The following NCOA1 variants were observed in gnomAD, a reference collection of about 807,000 sequenced individuals.
NCOA1 encodes Hin-2 protein.
NCOA1 carries 35 observed loss-of-function variants against 150.9 expected under a neutral mutation model. The observed-to-expected ratio is 0.23, with a 90% confidence interval of 0.18 to 0.31. The LOEUF (loss-of-function observed/expected upper bound fraction) is 0.31, where lower values mean the gene tolerates loss of function less well. Among genes scored for constraint, NCOA1 ranks in the 10% least tolerant of loss-of-function variants. The pLI, the probability that NCOA1 is intolerant of heterozygous loss-of-function variation, is 1.00. For synonymous variants in NCOA1, 590 were observed against 630.0 expected (o/e 0.94, Z 0.95); for missense variants, 1,491 against 1,749.3 (o/e 0.85, Z 2.63).
chr2:24,625,170 ATAT>A (rs996266394), intron 3 of NCOA1, among the ~76,000 whole-genome samples: 1 of 152,104 alleles, frequency 6.6e-6, no homozygotes. Flanking sequence ...GTGTCATGAA[ATAT>A]TATGCTTCCT....
chr2:24,752,432 G>T (rs1301929335), intron 20 of NCOA1, among the ~76,000 whole-genome samples: 1 of 152,156 alleles, frequency 6.6e-6, no homozygotes, highest in African/African-American at 2.4e-5. Flanking sequence ...TTGCATAATG[G>T]AAAGAACTAA....
intron 1 of NCOA1, among the ~76,000 whole-genome samples, chr2:24,525,576 T>G (rs1158363515): frequency 2.0e-5 from 3 of 151,680 alleles, no homozygotes; most frequent in Non-Finnish European, 4.4e-5. Context: ...TGAGACAGTC[T>G]TGCTCTGTCA....
At chr2:24,723,736 C>T (rs1674471771) in intron 14 of NCOA1, among the ~76,000 whole-genome samples, 1 of 151,758 alleles carries the variant, frequency 6.6e-6, no homozygotes, top group South Asian at 2.1e-4. Flanking sequence ...GGGTTTTTAT[C>T]CTATTGATTT....
At chr2:24,680,102 C>T (rs1672096736) in intron 7 of NCOA1, among the ~76,000 whole-genome samples, 2 of 152,156 alleles carry the variant, frequency 1.3e-5, no homozygotes, top group South Asian at 4.1e-4. Context: ...GTGAATAATG[C>T]TGCAGTGAAC....
intron 18 of NCOA1, among the ~76,000 whole-genome samples, chr2:24,740,358 A>G (rs1463525886): frequency 6.6e-6 from 1 of 152,212 alleles, no homozygotes; most frequent in East Asian, 1.9e-4. Flanking sequence ...ACAAACCTAC[A>G]TGGTATAGCC....
chr2:24,743,560 A>G (rs914418437), intron 19 of NCOA1, among the ~76,000 whole-genome samples: 1 of 152,242 alleles, frequency 6.6e-6, no homozygotes, highest in Non-Finnish European at 1.5e-5. Context: ...TATTTTAATT[A>G]TATGGTTGCC....
intron 14 of NCOA1, among the ~76,000 whole-genome samples, chr2:24,722,927 G>A (rs1674423075): frequency 7.1e-6 from 1 of 140,138 alleles, no homozygotes; most frequent in Non-Finnish European, 1.5e-5. Flanking sequence ...GGAGGTGGAG[G>A]TTGCAGTGAG....
At chr2:24,618,416 A>G (rs1274516984) in intron 3 of NCOA1, among the ~76,000 whole-genome samples, 1 of 152,178 alleles carries the variant, frequency 6.6e-6, no homozygotes, top group East Asian at 1.9e-4. Context: ...AAAAACCATC[A>G]AGAACAGAGG....
intron 1 of NCOA1, among the ~76,000 whole-genome samples, chr2:24,514,364 A>G (rs1465709456): frequency 1.3e-5 from 2 of 151,764 alleles, no homozygotes; most frequent in African/African-American, 4.8e-5. Flanking sequence ...TCTGAGTCAC[A>G]TAAGCATTGG....
At chr2:24,571,949 G>A (rs1666760181) in intron 2 of NCOA1, among the ~76,000 whole-genome samples, 1 of 152,052 alleles carries the variant, frequency 6.6e-6, no homozygotes, top group Admixed American at 6.6e-5. Context: ...ATTACTTGCT[G>A]AATTTCTTTG....
intron 1 of NCOA1, among the ~76,000 whole-genome samples, chr2:24,523,924 CAAAAAAAAAAAAAAAAA>C (rs70947825): frequency 4.0e-5 from 2 of 49,522 alleles, no homozygotes; most frequent in Non-Finnish European, 6.5e-5. Context: ...GACTCTGTCT[CAAAAAAAAAAAAAAAAA>C]AAAAAAAAAA....
At chr2:24,670,301 A>T (rs984712562) in intron 6 of NCOA1, among the ~76,000 whole-genome samples, 13 of 152,194 alleles carry the variant, frequency 8.5e-5, no homozygotes, top group African/African-American at 3.1e-4. Flanking sequence ...CTATCATATG[A>T]CCCAATAATT....
intron 17 of NCOA1, among the ~76,000 whole-genome samples, chr2:24,737,596 A>G (rs1663385028): frequency 6.6e-6 from 1 of 152,050 alleles, no homozygotes; most frequent in African/African-American, 2.4e-5. Context: ...CCTCTGCCTC[A>G]AGTTAACTCT....
At chr2:24,748,128 A>C (rs1234298531) in intron 19 of NCOA1, among the ~76,000 whole-genome samples, 1 of 152,090 alleles carries the variant, frequency 6.6e-6, no homozygotes, top group African/African-American at 2.4e-5. Flanking sequence ...AAAAGAAAAA[A>C]AAATGGAGAC....
At chr2:24,569,694 A>C (rs146516088) in intron 2 of NCOA1, among the ~76,000 whole-genome samples, 2,181 of 149,278 alleles carry the variant, frequency 0.015, 29 homozygotes, top group African/African-American at 0.029. Context: ...ATGTGGTGAA[A>C]CCACGTCTCT....
chr2:24,685,125 A>G (rs956224657), intron 8 of NCOA1, among the ~76,000 whole-genome samples: 2 of 152,082 alleles, frequency 1.3e-5, no homozygotes, highest in Non-Finnish European at 2.9e-5. Context: ...TTATATACAT[A>G]TATCACATAT....
chr2:24,572,568 A>G (rs1257843854), intron 2 of NCOA1, among the ~76,000 whole-genome samples: 2 of 152,170 alleles, frequency 1.3e-5, no homozygotes, highest in African/African-American at 4.8e-5. Context: ...AATTACAGAT[A>G]ACTTTTTCGT....
Position 24,754,656 on chromosome 2 carries a change from C to A in NCOA1, c.3881+2500C>A, listed in dbSNP as rs55918714. 3.2e-3 allele frequency among the ~76,000 whole-genome samples: 483 copies of A among 152,296 alleles called. 3 individuals carry two copies. The highest frequency in any genetic ancestry group is 0.017 in the Middle Eastern group (5 of 294). The stretch of plus-strand genomic sequence containing the variant: ...CTACCCCTGGCGCCTCCTTTCCATT[C>A]TTTACTTTTTTCATAGTGATTAACA... On this transcript the variant is annotated intron_variant, in intron 20 of 22. Coordinates refer to ENST00000348332, the MANE Select transcript of NCOA1 (RefSeq NM_003743.5).
intron 4 of NCOA1, among the ~76,000 whole-genome samples, chr2:24,657,382 T>A (rs1670996304): frequency 6.6e-6 from 1 of 152,198 alleles, no homozygotes; most frequent in Non-Finnish European, 1.5e-5. Flanking sequence ...ACAATCTTGT[T>A]AAGGAAAAAT....
Sources: allele counts gnomAD v4.1 joint callset (sites outside exome capture counted in the v4.1 genomes callset), GRCh38; gene constraint gnomAD v4.1.1; transcripts MANE v1.5; gene names NCBI Gene and HGNC (gene_info 2026-07-23, HGNC 2026-07-21).